Variants in MYO5C observed in about 807,000 individuals in gnomAD.
The protein encoded by MYO5C is unconventional myosin-Vc.
A neutral mutation model predicts 235.7 loss-of-function variants in MYO5C; 194 were observed. That is an observed-to-expected ratio of 0.82 (90% CI 0.73 to 0.93). The LOEUF (loss-of-function observed/expected upper bound fraction) is 0.93, where lower values mean the gene tolerates loss of function less well. Ranked by LOEUF, MYO5C falls within the 40% of genes least tolerant of loss-of-function variation. The probability of loss-of-function intolerance (pLI) is 0.00; values close to 1 mark genes in which losing one functional copy is unlikely to be tolerated. For synonymous variants in MYO5C, 707 were observed against 754.8 expected (o/e 0.94, Z 1.04); for missense variants, 2,038 against 2,127.2 (o/e 0.96, Z 0.82).
At chr15:52,272,936 G>A (rs2036957935) in intron 5 of MYO5C, among the ~76,000 whole-genome samples, 1 of 152,190 alleles carries the variant, frequency 6.6e-6, no homozygotes, top group South Asian at 2.1e-4. Flanking sequence ...TGGTCCCACT[G>A]GCAGATACTG....
At chr15:52,195,541 ATTGGGAAGCACAGGTGGTTC>A (rs908558390) in intron 39 of MYO5C, 84 bp from the exon 40 acceptor site, 14 of 889,640 alleles carry the variant, frequency 1.6e-5, no homozygotes, top group African/African-American at 3.5e-5. Context: ...ATTGGGAACC[ATTGGGAAGCACAGGTGGTTC>A]TTTTAGCCTA....
chr15:52,234,664 G>A (rs775797668), intron 23 of MYO5C, among the ~76,000 whole-genome samples: 1 of 152,170 alleles, frequency 6.6e-6, no homozygotes, highest in East Asian at 1.9e-4. Flanking sequence ...CAGAGACAGG[G>A]TGGAGGGCAC....
In MYO5C at chr15:52,286,207, G is replaced by A. The variant is rs537759049; in HGVS notation, c.28-3315C>T. ...AGTGTCTCCGCCCGGCAGCCGCCCC[G>A]TCCGGGAGGGAGGTGGGGGGTCAGC... On this transcript the variant is annotated intron_variant, in intron 1 of 40. Transcript: ENST00000261839. Among the ~76,000 whole-genome samples the A allele has an allele frequency of 8.4e-3, 1,272 of 151,092 alleles. 23 individuals are homozygous for A. Among genetic ancestry groups the A allele is most frequent in the African/African-American group, 0.03 (1,226 of 41,036 alleles).
intron 5 of MYO5C, 68 bp from the exon 6 acceptor site, chr15:52,272,791 GT>G: frequency 3.2e-6 from 5 of 1,538,466 alleles, no homozygotes; most frequent in Non-Finnish European, 4.5e-6. Context: ...TATTGGAGGG[GT>G]TTTTAGTAAA....
In MYO5C at chr15:52,211,731, T is replaced by G. The variant is rs868743042; in HGVS notation, c.4295A>C (p.Lys1432Thr). The G allele has an allele frequency of 2.5e-6, 4 of 1,613,472 alleles. No individual in the cohort carries two copies. Among genetic ancestry groups the G allele is most frequent in the African/African-American group, 2.7e-5 (2 of 74,936 alleles). The change falls in exon 35 of 41, where the codon AAG becomes ACG. Residue 1432 changes from lysine to threonine, a missense_variant and splice_region_variant. Lys to Thr is a moderately conservative substitution (Grantham distance 78). Coordinates refer to ENST00000261839, the MANE Select transcript of MYO5C (RefSeq NM_018728.4). ...GCCAATGTCAAAGGCATTTCCTACCTTAACCACCTGCTTGATGCCATTAAT... is the reference window on the plus strand; with the variant it reads ...GCCAATGTCAAAGGCATTTCCTACCGTAACCACCTGCTTGATGCCATTAAT... ...STINGIKQVVKEHLEDFEMLS... is the reference protein window; with the variant it reads ...STINGIKQVVTEHLEDFEMLS...
At chr15:52,265,779 C>T (rs527342919) in intron 8 of MYO5C, among the ~76,000 whole-genome samples, 10 of 152,296 alleles carry the variant, frequency 6.6e-5, no homozygotes, top group African/African-American at 2.4e-4. Flanking sequence ...GGTCCACCCT[C>T]CTTGGCCTCC....
chr15:52,287,049 CCTAT>C (rs566978900), intron 1 of MYO5C, among the ~76,000 whole-genome samples: 18 of 151,344 alleles, frequency 1.2e-4, no homozygotes, highest in African/African-American at 2.9e-4. Context: ...GGATGAGGAA[CCTAT>C]CTATTAGTTA....
chr15:52,242,310 G>A, intron 19 of MYO5C, 97 bp from the exon 20 acceptor site: 1 of 1,348,458 alleles, frequency 7.4e-7, no homozygotes, highest in East Asian at 2.3e-5. Context: ...TATAAGGAAG[G>A]TTCAAATATT....
chr15:52,205,356 A>ACAG, intron 37 of MYO5C: 1 of 588,950 alleles, frequency 1.7e-6, no homozygotes, highest in East Asian at 2.9e-5. Flanking sequence ...GCGGGGCTGC[A>ACAG]GCTCCTCTTG....
At chr15:52,273,844 G>A (rs145871931) in intron 5 of MYO5C, among the ~76,000 whole-genome samples, 1 of 152,178 alleles carries the variant, frequency 6.6e-6, no homozygotes, top group African/African-American at 2.4e-5. Context: ...GAGAATATGA[G>A]GTGCCTCAAC....
At chr15:52,202,493 A>G (rs999712079) in intron 38 of MYO5C, among the ~76,000 whole-genome samples, 2 of 152,172 alleles carry the variant, frequency 1.3e-5, no homozygotes, top group Non-Finnish European at 2.9e-5. Context: ...ACCTGGAGTC[A>G]TGTGTCTCCC....
Position 52,253,386 on chromosome 15 carries a change from G to A in MYO5C, c.1467C>T (p.Asp489=), listed in dbSNP as rs1255941868. The change falls in exon 12 of 41, where the codon GAC becomes GAT. Residue 489 remains aspartate, a synonymous_variant. Transcript: ENST00000261839. ...DIPWTLIDFY[D]NQPVIDLIEA... is the part of the protein sequence containing the mutation. The stretch of plus-strand genomic sequence containing the variant: ...CAATCAGGTCAATAACTGGTTGATT[G>A]TCATAAAAATCTATCAGCGTCCAAG... 3.1e-6 allele frequency: 5 copies of A among 1,613,540 alleles called. No individual in the cohort carries two copies. The highest frequency in any genetic ancestry group is 4.2e-6 in the Non-Finnish European group (5 of 1,179,624).
rs867256751 is a variant in MYO5C at position 52,286,935 on chromosome 15, A to G, written c.28-4043T>C. Among the ~76,000 whole-genome samples the G allele has an allele frequency of 9.5e-5, 14 of 147,354 alleles. 1 individual carries two copies. The highest frequency in any genetic ancestry group is 3.0e-4 in the African/African-American group (12 of 40,654). Reference sequence around the variant, plus strand: ...CTGCGAGAAACACCCAAGAATGATCAATAAAAAAAAAAAAGAAAAAAGAAA... The same window carrying G: ...CTGCGAGAAACACCCAAGAATGATCGATAAAAAAAAAAAAGAAAAAAGAAA... On this transcript the variant is annotated intron_variant, in intron 1 of 40. Coordinates refer to ENST00000261839, the MANE Select transcript of MYO5C (RefSeq NM_018728.4).
chr15:52,239,792 C>G lies in MYO5C; in HGVS notation c.2644G>C (p.Val882Leu). 2.5e-6 allele frequency: 4 copies of G among 1,613,690 alleles called. No homozygotes were observed. The highest frequency in any genetic ancestry group is 3.4e-6 in the Non-Finnish European group (4 of 1,179,766). The change falls in exon 21 of 41, where the codon GTG becomes CTG. Residue 882 changes from valine (V) to leucine (L), a missense_variant. Physicochemically the swap from Val to Leu is conservative, Grantham distance 32. Transcript: ENST00000261839. Reference protein sequence around the residue: ...RRRFQSIRRFVLNIQLTYRVQ... With the variant: ...RRRFQSIRRFLLNIQLTYRVQ... ...CTGTAAGTAAGCTGAATATTAAGCA[C>G]GAATCGTCGGATACTCTGGAATCTG... is the stretch of plus-strand genomic sequence containing the variant.
intron 25 of MYO5C, among the ~76,000 whole-genome samples, chr15:52,226,876 G>A (rs932847191): frequency 6.6e-5 from 10 of 152,120 alleles, no homozygotes; most frequent in African/African-American, 2.2e-4. Context: ...GGCTGGGCAC[G>A]GTGGCTCACG....
chr15:52,272,073 T>C (rs2036937006), intron 6 of MYO5C, among the ~76,000 whole-genome samples: 1 of 152,190 alleles, frequency 6.6e-6, no homozygotes, highest in Admixed American at 6.5e-5. Context: ...AATGAAAACG[T>C]CCTATGAAAT....
intron 12 of MYO5C, among the ~76,000 whole-genome samples, chr15:52,252,815 C>A (rs953732151): frequency 4.6e-5 from 7 of 151,962 alleles, no homozygotes; most frequent in African/African-American, 1.7e-4. Flanking sequence ...CCTTATTAAT[C>A]CTCACTTTGG....
intron 40 of MYO5C, among the ~76,000 whole-genome samples, chr15:52,194,543 T>C (rs1160454570): frequency 6.6e-6 from 1 of 152,186 alleles, no homozygotes; most frequent in Non-Finnish European, 1.5e-5. Flanking sequence ...ATTGTGTATA[T>C]GTGTATATCG....
At chr15:52,291,369 G>A (rs1207271037) in intron 1 of MYO5C, among the ~76,000 whole-genome samples, 1 of 152,198 alleles carries the variant, frequency 6.6e-6, no homozygotes, top group African/African-American at 2.4e-5. Flanking sequence ...CTCAGCAGCT[G>A]TCAAGCTCTC....
Sources: gnomAD v4.1 joint callset for allele counts (sites outside exome capture counted in the v4.1 genomes callset) on GRCh38, gnomAD v4.1.1 for gene constraint, MANE v1.5 for transcripts, NCBI Gene and HGNC (gene_info 2026-07-23, HGNC 2026-07-21) for gene names.